The following CORO1C variants were observed in gnomAD, a reference collection of about 807,000 sequenced individuals.
CORO1C encodes coronin 1C, also known as coronin-1C.
CORO1C carries 14 observed loss-of-function variants against 51.2 expected under a neutral mutation model. The ratio of observed to expected loss-of-function variants is 0.27; its 90% CI spans 0.18 to 0.43. The LOEUF is 0.43. Among genes scored for constraint, CORO1C ranks in the 20% least tolerant of loss-of-function variants. The pLI, the probability that CORO1C is intolerant of heterozygous loss-of-function variation, is 1.00. For synonymous variants in CORO1C, 181 were observed against 210.5 expected, an observed-to-expected ratio of 0.86 and a Z score of 1.21; for missense variants, 417 against 607.8, an observed-to-expected ratio of 0.69 and a Z score of 3.30.
chr12:108,699,936 T>C (rs755757086), intron 2 of CORO1C, among the ~76,000 whole-genome samples: 2 of 152,066 alleles, frequency 1.3e-5, no homozygotes, highest in African/African-American at 2.4e-5. Context: ...GAAGTAAAAA[T>C]CAGATGTTAT....
At chr12:108,679,121 A>G (rs2034024880) in intron 2 of CORO1C, among the ~76,000 whole-genome samples, 1 of 148,930 alleles carries the variant, frequency 6.7e-6, no homozygotes, top group Admixed American at 6.7e-5. Flanking sequence ...AAAAAAAAAA[A>G]AAAAAAAAGA....
intron 1 of CORO1C, among the ~76,000 whole-genome samples, chr12:108,714,822 T>C (rs61257887): frequency 6.6e-6 from 1 of 152,174 alleles, no homozygotes; most frequent in African/African-American, 2.4e-5. Context: ...TTTAAAGTTT[T>C]CAAAGAAGAG....
intron 3 of CORO1C, among the ~76,000 whole-genome samples, chr12:108,664,952 C>T (rs2033415844): frequency 6.6e-6 from 1 of 152,200 alleles, no homozygotes; most frequent in Non-Finnish European, 1.5e-5. Context: ...TGCACTGTGA[C>T]CCCACTTAGA....
At position 108,647,312 on chromosome 12, in the gene CORO1C, C is replaced by T; in HGVS notation, c.*91G>A. The T allele has an allele frequency of 8.2e-7, 1 of 1,221,108 alleles. No individual in the cohort carries two copies. Among genetic ancestry groups the T allele is most frequent in the South Asian group, 1.8e-5 (1 of 55,844 alleles). The allele number at this position is 1,221,108 out of a possible 1,614,324, so 75.6% of individuals were successfully genotyped here. On this transcript the variant is annotated 3_prime_UTR_variant, in exon 11 of 11. Transcript: ENST00000261401. ...GAATGTCTCCAAATGGCAGTGCCTCCCTTTCCGCCCTCCCTAGGACCACAC... is the reference window on the plus strand; with the variant it reads ...GAATGTCTCCAAATGGCAGTGCCTCTCTTTCCGCCCTCCCTAGGACCACAC...
chr12:108,714,448 C>A (rs1365188504), intron 1 of CORO1C, among the ~76,000 whole-genome samples: 2 of 148,132 alleles, frequency 1.4e-5, no homozygotes, highest in Admixed American at 1.4e-4. Context: ...GCATAAAACA[C>A]TAGAAACACA....
chr12:108,692,772 T>TTCAG (rs1439377627), intron 2 of CORO1C, among the ~76,000 whole-genome samples: 3 of 151,688 alleles, frequency 2.0e-5, no homozygotes, highest in Non-Finnish European at 4.4e-5. Context: ...ATGCAAAGGA[T>TTCAG]TCAGTGTCCA....
Position 108,701,500 on chromosome 12 carries a change from T to C in CORO1C, c.-5-177A>G, listed in dbSNP as rs964105532. On this transcript the variant is annotated intron_variant, in intron 1 of 10. Transcript: ENST00000261401. ...TTAGCAGCACATACCCGGAGACAACTGCAAAATGCGTCAGGGAAAGAATTA... is the reference window on the plus strand; with the variant it reads ...TTAGCAGCACATACCCGGAGACAACCGCAAAATGCGTCAGGGAAAGAATTA... 3 of 834,972 alleles carry C rather than the reference T, an allele frequency of 3.6e-6. No homozygotes were observed. In the African/African-American group the frequency reaches 5.2e-5, roughly 14 times the overall value. 51.7% of individuals were successfully genotyped at this position (834,972 alleles called of 1,614,324 possible).
intron 2 of CORO1C, among the ~76,000 whole-genome samples, chr12:108,699,747 A>AT (rs2034806058): frequency 6.6e-6 from 1 of 152,240 alleles, no homozygotes; most frequent in Non-Finnish European, 1.5e-5. Flanking sequence ...CTGAACGACA[A>AT]TTTTTTGAAC....
intron 7 of CORO1C, among the ~76,000 whole-genome samples, chr12:108,653,274 G>C (rs972851514): frequency 6.6e-6 from 1 of 152,176 alleles, no homozygotes; most frequent in African/African-American, 2.4e-5. Context: ...CTGAGTAACT[G>C]CTCATTTTGT....
At chr12:108,650,990 G>A (rs1030745886) in intron 8 of CORO1C, among the ~76,000 whole-genome samples, 7 of 151,976 alleles carry the variant, frequency 4.6e-5, no homozygotes, top group South Asian at 2.1e-4. Flanking sequence ...ACGGAGTCTC[G>A]CTGTGTTGCC....
chr12:108,686,653 T>C (rs1177699807), intron 2 of CORO1C, among the ~76,000 whole-genome samples: 3 of 152,332 alleles, frequency 2.0e-5, no homozygotes, highest in East Asian at 3.9e-4. Context: ...TAGCTTTTGT[T>C]ATACCTTTCT....
intron 3 of CORO1C, chr12:108,668,354 A>G (rs1308723067): frequency 6.6e-6 from 1 of 152,246 alleles, no homozygotes; most frequent in African/African-American, 2.4e-5. Context: ...CAATCTGTAC[A>G]AAATGGAATT....
rs1466524468 is a variant in CORO1C, at chr12:108,662,283, A to G, written c.319-125T>C. The G allele has an allele frequency of 5.0e-6, 4 of 806,698 alleles. No individual in the cohort carries two copies. In the African/African-American group the frequency reaches 6.8e-5, roughly 14 times the overall value. The allele number at this position is 806,698 out of a possible 1,614,324, so 50.0% of individuals were successfully genotyped here. A position where few individuals can be genotyped will look rare whatever the true frequency, so the allele number is the denominator to read the frequency against. On this transcript the variant is annotated intron_variant, in intron 3 of 10. Coordinates refer to ENST00000261401, the MANE Select transcript of CORO1C (RefSeq NM_014325.4). Reference sequence around the variant, plus strand: ...AGAACATAGAGTGATATCTGGATGAAAGGCAGAATGTTGTGAAATGACCGT... The same window carrying G: ...AGAACATAGAGTGATATCTGGATGAGAGGCAGAATGTTGTGAAATGACCGT...
chr12:108,660,303 T>C (rs2033201891), intron 4 of CORO1C, among the ~76,000 whole-genome samples: 1 of 151,886 alleles, frequency 6.6e-6, no homozygotes, highest in East Asian at 1.9e-4. Context: ...AATACAACAT[T>C]AGCCAGGTGT....
intron 1 of CORO1C, among the ~76,000 whole-genome samples, chr12:108,715,039 A>G (rs73408606): frequency 0.031 from 4,646 of 152,206 alleles, 238 homozygotes; most frequent in African/African-American, 0.11. Context: ...GCAGCAAAAC[A>G]GTAACACATA....
intron 8 of CORO1C, 22 bp from the exon 9 acceptor site, chr12:108,649,042 A>G: frequency 6.2e-7 from 1 of 1,613,068 alleles, no homozygotes; most frequent in Non-Finnish European, 8.5e-7. Context: ...AAATAAAGGC[A>G]AAGTTGCATT....
Position 108,677,024 on chromosome 12 carries a change from G to A in CORO1C, c.318+1248C>T, listed in dbSNP as rs561386660. On this transcript the variant is annotated intron_variant, in intron 3 of 10. Coordinates refer to ENST00000261401, the MANE Select transcript of CORO1C (RefSeq NM_014325.4). ...AATGACACAGTTCAGGAATTAATTT[G>A]TATTTATGTAAAATAATTTTAATTA... is the stretch of plus-strand genomic sequence containing the variant. Among the ~76,000 whole-genome samples the A allele has an allele frequency of 1.5e-4, 23 of 152,246 alleles. 1 individual carries two copies. In the South Asian group the frequency reaches 4.8e-3, roughly 32 times the overall value.
chr12:108,715,613 C>A (rs1017171320), intron 1 of CORO1C, among the ~76,000 whole-genome samples: 1 of 151,840 alleles, frequency 6.6e-6, no homozygotes, highest in South Asian at 2.1e-4. Context: ...CAAAGGCAGG[C>A]GCTACCTGAC....
chr12:108,729,974 T>G (rs2035679970), intron 1 of CORO1C, among the ~76,000 whole-genome samples: 1 of 152,206 alleles, frequency 6.6e-6, no homozygotes, highest in Non-Finnish European at 1.5e-5. Context: ...CTACAAGTAC[T>G]GTTTTAGAAT....
Sources: gnomAD v4.1 joint callset for allele counts (sites outside exome capture counted in the v4.1 genomes callset) on GRCh38, gnomAD v4.1.1 for gene constraint, MANE v1.5 for transcripts, NCBI Gene and HGNC (gene_info 2026-07-23, HGNC 2026-07-21) for gene names.